Variants in FTCDNL1 observed in about 807,000 individuals in gnomAD.
FTCDNL1 encodes the protein formiminotransferase cyclodeaminase N-terminal like, also known as formiminotransferase N-terminal subdomain-containing protein.
In FTCDNL1, 11 loss-of-function variants were observed where a neutral mutation model predicts 5.9. That is an observed-to-expected ratio of 1.87 (90% CI 1.18 to 3.10). FTCDNL1 has a LOEUF of 3.10. FTCDNL1 is among the 30% of genes most tolerant of loss of function. The probability of loss-of-function intolerance (pLI) is 0.00; values close to 1 mark genes in which losing one functional copy is unlikely to be tolerated. For missense variants in FTCDNL1, 115 were observed against 65.5 expected, an observed-to-expected ratio of 1.76 and a Z score of -2.61; for synonymous variants, 58 against 24.8, an observed-to-expected ratio of 2.34 and a Z score of -3.99.
At chr2:199,824,366 G>T (rs1037983523) in intron 3 of FTCDNL1, among the ~76,000 whole-genome samples, 1 of 152,194 alleles carries the variant, frequency 6.6e-6, no homozygotes, top group Non-Finnish European at 1.5e-5. Flanking sequence ...GAAATGTTAT[G>T]GCTTGTTTGA....
the FTCDNL1 span, among the ~76,000 whole-genome samples, chr2:199,689,641 T>C: frequency 6.6e-6 from 1 of 152,014 alleles, no homozygotes; most frequent in African/African-American, 2.4e-5. Flanking sequence ...ATCAAATTCA[T>C]GATAAATTGC....
intron 3 of FTCDNL1, among the ~76,000 whole-genome samples, chr2:199,821,934 G>T (rs1331579818): frequency 6.6e-6 from 1 of 152,116 alleles, no homozygotes; most frequent in Non-Finnish European, 1.5e-5. Flanking sequence ...TTGTGGATTT[G>T]ATTCCAGACC....
chr2:199,780,701 G>A (rs923808714), intron 3 of FTCDNL1, among the ~76,000 whole-genome samples: 2 of 152,124 alleles, frequency 1.3e-5, no homozygotes, highest in Non-Finnish European at 2.9e-5. Flanking sequence ...CCTAGCTTAG[G>A]GCATGGCTGC....
chr2:199,751,069 T>C, the FTCDNL1 span, among the ~76,000 whole-genome samples: 12 of 152,318 alleles, frequency 7.9e-5, no homozygotes, highest in Admixed American at 2.0e-4. Context: ...CTTGCGGACC[T>C]GAGACTGGAT....
At chr2:199,766,669 A>C (rs1698550344) in intron 3 of FTCDNL1, among the ~76,000 whole-genome samples, 2 of 152,230 alleles carry the variant, frequency 1.3e-5, no homozygotes, top group Admixed American at 6.5e-5. Flanking sequence ...AGCTATGTAC[A>C]AAACAGTGCT....
chr2:199,815,344 C>T (rs1171701432), intron 4 of FTCDNL1, among the ~76,000 whole-genome samples: 2 of 152,134 alleles, frequency 1.3e-5, no homozygotes, highest in Non-Finnish European at 2.9e-5. Context: ...AAAACAGAAA[C>T]CTGTTTCCTT....
chr2:199,709,091 C>A, the FTCDNL1 span, among the ~76,000 whole-genome samples: 3 of 152,066 alleles, frequency 2.0e-5, no homozygotes, highest in South Asian at 2.1e-4. Context: ...ATACTATACT[C>A]CCTGTTTTCA....
At chr2:199,815,155 A>G (rs1480403302) in intron 4 of FTCDNL1, among the ~76,000 whole-genome samples, 11 of 152,222 alleles carry the variant, frequency 7.2e-5, no homozygotes, top group Admixed American at 7.2e-4. Flanking sequence ...TTATAGATCT[A>G]AAAGTATCAA....
intron 3 of FTCDNL1, among the ~76,000 whole-genome samples, chr2:199,798,017 C>T (rs1431497832): frequency 6.6e-6 from 1 of 152,168 alleles, no homozygotes; most frequent in African/African-American, 2.4e-5. Flanking sequence ...ATTCTCGAGT[C>T]ATTTGATGTC....
chr2:199,725,546 A>G, the FTCDNL1 span, among the ~76,000 whole-genome samples: 1 of 152,000 alleles, frequency 6.6e-6, no homozygotes, highest in African/African-American at 2.4e-5. Context: ...TCCATATTCA[A>G]TGCTTCCTGA....
At chr2:199,770,651 C>A (rs1698764177) in intron 3 of FTCDNL1, among the ~76,000 whole-genome samples, 1 of 152,182 alleles carries the variant, frequency 6.6e-6, no homozygotes, top group Non-Finnish European at 1.5e-5. Flanking sequence ...TAAAAATTAA[C>A]CACCCAGACA....
the FTCDNL1 span, among the ~76,000 whole-genome samples, chr2:199,663,898 T>A: frequency 1.3e-5 from 2 of 152,164 alleles, no homozygotes. Flanking sequence ...GAATTTTTCA[T>A]TGTATCGATA....
At chr2:199,791,298 C>T (rs1367535603) in intron 3 of FTCDNL1, among the ~76,000 whole-genome samples, 1 of 151,990 alleles carries the variant, frequency 6.6e-6, no homozygotes. Flanking sequence ...AAAAAGAGTT[C>T]TGGGAACCCA....
intron 3 of FTCDNL1, among the ~76,000 whole-genome samples, chr2:199,781,660 C>T (rs951297833): frequency 6.6e-6 from 1 of 152,156 alleles, no homozygotes; most frequent in African/African-American, 2.4e-5. Context: ...CACTCCAGAG[C>T]ATGTGAGCTA....
At chr2:199,805,501 G>A (rs1477141604), downstream of FTCDNL1, among the ~76,000 whole-genome samples, 1 of 152,174 alleles carries the variant, frequency 6.6e-6, no homozygotes, top group Admixed American at 6.5e-5. Context: ...TACTTTGGGA[G>A]GCCGGGGCAG....
chr2:199,731,744 C>T, the FTCDNL1 span, among the ~76,000 whole-genome samples: 1 of 151,920 alleles, frequency 6.6e-6, no homozygotes, highest in Non-Finnish European at 1.5e-5. Flanking sequence ...AAAAATTAGC[C>T]GGGCGTAGTG....
chr2:199,666,257 C>A, the FTCDNL1 span, among the ~76,000 whole-genome samples: 17 of 152,312 alleles, frequency 1.1e-4, 1 homozygote, highest in African/African-American at 3.6e-4. Context: ...AGCTGAATTT[C>A]TAGGACTTGT....
intron 3 of FTCDNL1, among the ~76,000 whole-genome samples, chr2:199,761,307 T>C (rs572678469): frequency 2.7e-4 from 41 of 152,316 alleles, no homozygotes; most frequent in Middle Eastern, 6.8e-3. Context: ...GCAGAGGCGA[T>C]CTGCCATGGA....
chr2:199,798,157 A>C (rs1700263222), intron 3 of FTCDNL1, among the ~76,000 whole-genome samples: 1 of 152,244 alleles, frequency 6.6e-6, no homozygotes, highest in South Asian at 2.1e-4. Context: ...AATGTAACTC[A>C]ACTTGATGCA....
Sources: allele counts gnomAD v4.1 joint callset (sites outside exome capture counted in the v4.1 genomes callset), GRCh38; gene constraint gnomAD v4.1.1; transcripts MANE v1.5; gene names NCBI Gene and HGNC (gene_info 2026-07-23, HGNC 2026-07-21).